DMD: variants seen among roughly 807,000 people sequenced by gnomAD.
DMD encodes mutant dystrophin.
DMD carries 63 observed loss-of-function variants against 330.1 expected under a neutral mutation model. The observed-to-expected ratio is 0.19, with a 90% CI of 0.16 to 0.24. The LOEUF (loss-of-function observed/expected upper bound fraction) is 0.24, where lower values mean the gene tolerates loss of function less well. Among genes scored for constraint, DMD ranks in the 10% least tolerant of loss-of-function variants. DMD has a pLI of 1.00. For missense variants in DMD, 3,344 were observed against 2,684.1 expected (o/e 1.25, Z -5.43); for synonymous variants, 1,223 against 959.8 (o/e 1.27, Z -5.07).
At chrX:32,978,618 C>T (rs760335250) in intron 2 of DMD, among the ~76,000 whole-genome samples, 3 of 111,559 alleles carry the variant, frequency 2.7e-5, no homozygotes, top group South Asian at 3.8e-4. Flanking sequence ...TACAGGCGTG[C>T]GCCATTACAC....
Position 32,849,810 on chromosome X carries a change from T to C in DMD, c.104A>G (p.Gln35Arg). The C allele has an allele frequency of 2.5e-6, 3 of 1,197,711 alleles. No homozygotes were observed. Among genetic ancestry groups the C allele is most frequent in the Non-Finnish European group, 3.4e-6 (3 of 884,363 alleles). The change falls in exon 3 of 79, where the codon CAG becomes CGG. Residue 35 changes from glutamine to arginine, a missense_variant. By Grantham distance (43) the Gln-to-Arg change is conservative. Transcript: ENST00000357033. ...GTCACTGAAGAGGTTCTCAATATGC[T>C]GCTTCCCAAACTGAAATTAAAAAAA... ...VNAQFSKFGKQHIENLFSDLQ... is the reference protein window; with the variant it reads ...VNAQFSKFGKRHIENLFSDLQ...
intron 55 of DMD, among the ~76,000 whole-genome samples, chrX:31,578,695 T>C (rs1382061082): frequency 8.9e-6 from 1 of 112,062 alleles, no homozygotes; most frequent in Non-Finnish European, 1.9e-5. Context: ...GAAACTAAGA[T>C]GAGGCTGGCC....
At chrX:33,008,723 G>C (rs1202501284) in intron 2 of DMD, among the ~76,000 whole-genome samples, 1 of 94,360 alleles carries the variant, frequency 1.1e-5, no homozygotes, top group Admixed American at 1.1e-4. Context: ...AAATAACTAG[G>C]ATTGTTAAAA....
chrX:32,684,160 A>G (rs762834621), intron 9 of DMD, among the ~76,000 whole-genome samples: 3 of 110,104 alleles, frequency 2.7e-5, no homozygotes, highest in Non-Finnish European at 5.7e-5. Flanking sequence ...TATAACTTCG[A>G]ATAGAACATA....
chrX:32,071,995 A>G (rs2096303533), intron 44 of DMD, among the ~76,000 whole-genome samples: 1 of 112,061 alleles, frequency 8.9e-6, no homozygotes, highest in African/African-American at 3.2e-5. Flanking sequence ...AATTATTTAA[A>G]TTTCAAAGCA....
intron 59 of DMD, among the ~76,000 whole-genome samples, chrX:31,445,790 T>C (rs2065226384): frequency 1.8e-5 from 2 of 111,589 alleles, no homozygotes; most frequent in Non-Finnish European, 3.8e-5. Context: ...TATGCAGATA[T>C]GGGGAGGATA....
chrX:31,835,023 C>T (rs2093165259), intron 49 of DMD, among the ~76,000 whole-genome samples: 1 of 112,290 alleles, frequency 8.9e-6, no homozygotes, highest in Non-Finnish European at 1.9e-5. Context: ...AGCAGATATG[C>T]TCAGGCATGG....
intron 56 of DMD, among the ~76,000 whole-genome samples, chrX:31,506,312 G>A (rs1181238516): frequency 9.0e-6 from 1 of 111,681 alleles, no homozygotes; most frequent in Non-Finnish European, 1.9e-5. Flanking sequence ...CTACCTAGAG[G>A]TAGTAACTAC....
At chrX:32,817,388 G>C (rs2077851015) in intron 5 of DMD, among the ~76,000 whole-genome samples, 1 of 112,010 alleles carries the variant, frequency 8.9e-6, no homozygotes, top group Non-Finnish European at 1.9e-5. Context: ...TAGGCTTCGT[G>C]CATGTGCAGA....
chrX:33,163,196 C>A (rs920170578), intron 1 of DMD, among the ~76,000 whole-genome samples: 5 of 111,091 alleles, frequency 4.5e-5, no homozygotes, highest in African/African-American at 1.6e-4. Flanking sequence ...GGAATCAAAT[C>A]CTCACAGAAT....
At chrX:32,937,279 C>T (rs1602059716) in intron 2 of DMD, among the ~76,000 whole-genome samples, 1 of 109,881 alleles carries the variant, frequency 9.1e-6, no homozygotes, top group Non-Finnish European at 1.9e-5. Flanking sequence ...CTGTGGAAAT[C>T]CCATGGGGCC....
intron 44 of DMD, among the ~76,000 whole-genome samples, chrX:32,160,171 G>A (rs1257897776): frequency 2.7e-5 from 3 of 109,278 alleles, no homozygotes; most frequent in Non-Finnish European, 5.7e-5. Flanking sequence ...TCCCTATTCA[G>A]TATTCATTCA....
intron 1 of DMD, among the ~76,000 whole-genome samples, chrX:33,123,480 G>A (rs765081924): frequency 1.8e-5 from 2 of 110,826 alleles, no homozygotes; most frequent in East Asian, 2.9e-4. Flanking sequence ...GCAGGGGTGC[G>A]ATCTCGGTTC....
At chrX:31,610,394 C>T (rs904638086) in intron 55 of DMD, among the ~76,000 whole-genome samples, 3 of 111,268 alleles carry the variant, frequency 2.7e-5, no homozygotes, top group South Asian at 7.5e-4. Context: ...GTGCCTTTTA[C>T]GGGATACTTA....
intron 30 of DMD, among the ~76,000 whole-genome samples, chrX:32,403,843 T>C (rs1213384643): frequency 2.7e-5 from 3 of 112,079 alleles, no homozygotes; most frequent in Non-Finnish European, 5.7e-5. Flanking sequence ...TCTCCATTTT[T>C]TTCTTCTTTG....
chrX:32,960,704 T>C (rs1285393186), intron 2 of DMD, among the ~76,000 whole-genome samples: 1 of 111,295 alleles, frequency 9.0e-6, no homozygotes, highest in Non-Finnish European at 1.9e-5. Context: ...TTCTCTATTA[T>C]AATAGTGTAT....
At chrX:31,244,025 A>G (rs2048600400) in intron 63 of DMD, among the ~76,000 whole-genome samples, 1 of 112,741 alleles carries the variant, frequency 8.9e-6, no homozygotes, top group Non-Finnish European at 1.9e-5. Flanking sequence ...TGGGAACTGT[A>G]CACACAAATG....
chrX:31,572,765 C>T (rs1286737570), intron 55 of DMD, among the ~76,000 whole-genome samples: 1 of 112,461 alleles, frequency 8.9e-6, no homozygotes, highest in Non-Finnish European at 1.9e-5. Context: ...ACTATCTTAC[C>T]TCACATTCAT....
At chrX:32,722,800 A>G (rs753282477) in intron 7 of DMD, among the ~76,000 whole-genome samples, 1 of 110,886 alleles carries the variant, frequency 9.0e-6, no homozygotes, top group South Asian at 3.7e-4. Flanking sequence ...TACTTACTGA[A>G]CTCATTTATT....
Sources: allele counts gnomAD v4.1 joint callset (sites outside exome capture counted in the v4.1 genomes callset), GRCh38; gene constraint gnomAD v4.1.1; transcripts MANE v1.5; gene names NCBI Gene and HGNC (gene_info 2026-07-23, HGNC 2026-07-21).